TG: variants seen among roughly 807,000 people sequenced by gnomAD.
TG encodes the protein thyroglobulin.
In TG, 270 loss-of-function variants were observed where a neutral mutation model predicts 324.7. That is an observed-to-expected ratio of 0.83 (90% confidence interval 0.75 to 0.92). The LOEUF is 0.92. TG is among the 40% of genes least tolerant of loss of function. TG has a pLI of 0.00. For missense variants in TG, 3,591 were observed against 3,456.4 expected (o/e 1.04, Z -0.98); for synonymous variants, 1,401 against 1,327.0 (o/e 1.06, Z -1.21).
At chr8:132,950,810 T>TA (rs1217376411) in intron 27 of TG, among the ~76,000 whole-genome samples, 4 of 152,184 alleles carry the variant, frequency 2.6e-5, no homozygotes, top group African/African-American at 7.2e-5. Flanking sequence ...GATATAACAA[T>TA]AAAAAAATAA....
Position 132,972,583 on chromosome 8 carries a change from T to G in TG, c.6056-15T>G, listed in dbSNP as rs1272327119. 1.2e-6 allele frequency: 2 copies of G among 1,607,910 alleles called. No individual in the cohort carries two copies. The highest frequency in any genetic ancestry group is 1.7e-6 in the Non-Finnish European group (2 of 1,178,262). On this transcript the variant is annotated splice_polypyrimidine_tract_variant and intron_variant, in intron 33 of 47. Transcript: ENST00000220616. ...TCCTGATTGTGGTTTTTTGTTTTTT[T>G]TTTTTCCACCCCAGGAGGAGAGGTG...
intron 1 of TG, among the ~76,000 whole-genome samples, chr8:132,867,364 G>T (rs1478227512): frequency 6.6e-6 from 1 of 151,984 alleles, no homozygotes; most frequent in African/African-American, 2.4e-5. Flanking sequence ...ATTGACCTTG[G>T]GTTTTTATCC....
At position 132,887,140 on chromosome 8, in the gene TG, G is replaced by T; in HGVS notation, c.1768G>T (p.Asp590Tyr). 1.2e-6 allele frequency: 2 copies of T among 1,614,232 alleles called. No homozygotes were observed. The highest frequency in any genetic ancestry group is 1.7e-6 in the Non-Finnish European group (2 of 1,180,042). Residue 590 changes from aspartate (D) to tyrosine (Y), a missense_variant, in exon 9 of 48, where the codon GAT becomes TAT. Transcript: ENST00000220616. Reference protein sequence around the residue: ...FLQHAISVPEDVARDLGDVME... With the variant: ...FLQHAISVPEYVARDLGDVME... ...GCAACATGCTATCTCTGTGCCAGAA[G>T]ATGTGGCAAGAGATTTAGGTGATGT...
chr8:132,868,209 G>A lies in TG; in HGVS notation c.162G>A (p.Glu54=). ...KQADYVPQCA[E]DGSFQTVQCQ... ...CAGACTACGTGCCCCAGTGTGCAGA[G>A]GATGGCAGCTTCCAGTAAGGCTTAT... is the stretch of plus-strand genomic sequence containing the variant. The change falls in exon 2 of 48, where the codon GAG becomes GAA. Residue 54 remains glutamate (E), a synonymous_variant. Coordinates refer to ENST00000220616, the MANE Select transcript of TG (RefSeq NM_003235.5). 6.2e-7 allele frequency: 1 copy of A among 1,614,118 alleles called. No homozygotes were observed. Among genetic ancestry groups the A allele is most frequent in the Non-Finnish European group, 8.5e-7 (1 of 1,180,022 alleles).
chr8:132,971,837 A>T lies in TG; in HGVS notation c.6019A>T (p.Thr2007Ser). 1 of 1,613,886 alleles carries T rather than the reference A, an allele frequency of 6.2e-7. No individual in the cohort carries two copies. Among genetic ancestry groups the T allele is most frequent in the Non-Finnish European group, 8.5e-7 (1 of 1,179,784 alleles). ...ACGGTGCGATGCGGACCCATGCTGC[A>T]CTGGCTTTGGATTTCTAAATGTTTC... ...ERRCDADPCC[T>S]GFGFLNVSQL... The change falls in exon 33 of 48, where the codon ACT (threonine) becomes TCT (serine). Residue 2007 changes from threonine (T) to serine (S), a missense_variant. Coordinates refer to ENST00000220616, the MANE Select transcript of TG (RefSeq NM_003235.5).
At chr8:132,999,993 C>T (rs2130822675) in intron 35 of TG, among the ~76,000 whole-genome samples, 1 of 152,292 alleles carries the variant, frequency 6.6e-6, no homozygotes, top group South Asian at 2.1e-4. Context: ...GCAACTGTAA[C>T]ATCACTACTA....
At chr8:133,018,307 C>T (rs1835243494) in intron 38 of TG, among the ~76,000 whole-genome samples, 1 of 152,108 alleles carries the variant, frequency 6.6e-6, no homozygotes, top group Admixed American at 6.5e-5. Context: ...CTTCCAAGGT[C>T]CCCTGGACAT....
chr8:133,045,210 G>T, intron 41 of TG: 2 of 1,338,410 alleles, frequency 1.5e-6, no homozygotes, highest in South Asian at 1.3e-5. Context: ...AGGGAGACCT[G>T]CCCACCCTTG....
At chr8:133,098,714 C>G (rs1848809990) in intron 43 of TG, among the ~76,000 whole-genome samples, 1 of 152,214 alleles carries the variant, frequency 6.6e-6, no homozygotes, top group Admixed American at 6.5e-5. Context: ...GGTTAGTTCC[C>G]AGACCTCTCC....
chr8:132,877,047 G>A (rs1391673337), intron 5 of TG, among the ~76,000 whole-genome samples: 1 of 152,200 alleles, frequency 6.6e-6, no homozygotes, highest in Non-Finnish European at 1.5e-5. Context: ...AATCCTCACT[G>A]GGGAAGCACC....
At chr8:132,906,991 C>T (rs1423070056) in intron 17 of TG, 91 bp downstream of exon 17, 6 of 1,357,306 alleles carry the variant, frequency 4.4e-6, no homozygotes, top group Non-Finnish European at 6.1e-6. Context: ...GCTCCATTTC[C>T]CCACCCAAAT....
chr8:132,896,665 C>G (rs994547599), intron 11 of TG, among the ~76,000 whole-genome samples: 1 of 152,290 alleles, frequency 6.6e-6, no homozygotes, highest in Non-Finnish European at 1.5e-5. Context: ...GTGTCCCACC[C>G]GCTGCCCACC....
rs1365387513 is a variant in TG, at chr8:133,051,390, T to C, written c.7239+21367T>C. 4.6e-5 allele frequency among the ~76,000 whole-genome samples: 7 copies of C among 152,340 alleles called. No individual in the cohort carries two copies. The South Asian group carries it at 1.5e-3, about 32-fold the overall frequency. On this transcript the variant is annotated intron_variant, in intron 41 of 47. Transcript: ENST00000220616. The stretch of plus-strand genomic sequence containing the variant: ...ATGCCTCGGGTGTCCACTCTGGGAC[T>C]CAGAGTTGTTATATCTATGACACTT...
chr8:133,100,140 T>C (rs748368007), intron 43 of TG, among the ~76,000 whole-genome samples: 1 of 152,226 alleles, frequency 6.6e-6, no homozygotes, highest in Non-Finnish European at 1.5e-5. Flanking sequence ...TTAGAGTTTC[T>C]CAAATAGGCT....
In TG at chr8:133,025,609, G is replaced by A. The variant is rs540617190; in HGVS notation, c.7036+3459G>A. On this transcript the variant is annotated intron_variant, in intron 40 of 47. Coordinates refer to ENST00000220616, the MANE Select transcript of TG (RefSeq NM_003235.5). Reference sequence around the variant, plus strand: ...AAGTCCACAGTTTACCTTGGGGTTCGTCCTGTGTGTTGGATGCTCTCTAGG... The same window carrying A: ...AAGTCCACAGTTTACCTTGGGGTTCATCCTGTGTGTTGGATGCTCTCTAGG... Among the ~76,000 whole-genome samples the A allele has an allele frequency of 3.9e-5, 6 of 152,174 alleles. 1 individual carries two copies. The highest frequency in any genetic ancestry group is 9.6e-5 in the African/African-American group (4 of 41,518).
chr8:132,986,036 A>G (rs1318157146), intron 35 of TG, among the ~76,000 whole-genome samples: 1 of 151,892 alleles, frequency 6.6e-6, no homozygotes, highest in East Asian at 1.9e-4. Flanking sequence ...TTTAATGAAA[A>G]CTCATTTTGT....
intron 43 of TG, among the ~76,000 whole-genome samples, chr8:133,098,041 C>A (rs1210024308): frequency 3.9e-5 from 6 of 152,092 alleles, no homozygotes; most frequent in Admixed American, 3.9e-4. Flanking sequence ...GGCAAAATAC[C>A]TTTTGTACCT....
In TG at chr8:132,908,371, C is replaced by T. The variant is rs752784480; in HGVS notation, c.4002+31C>T. The T allele has an allele frequency of 3.3e-6, 5 of 1,514,414 alleles. No individual in the cohort carries two copies. In the South Asian group the frequency reaches 4.6e-5, roughly 14 times the overall value. 93.8% of individuals were successfully genotyped at this position (1,514,414 alleles called of 1,614,324 possible). A position where few individuals can be genotyped will look rare whatever the true frequency, so the allele number is the denominator to read the frequency against. ...TGCCTGGCCTTCCCCACAGTGAGGG[C>T]TTGGACTCAACTCAGGGTTACGGTG... is the stretch of plus-strand genomic sequence containing the variant. On this transcript the variant is annotated intron_variant, in intron 18 of 47. Coordinates refer to ENST00000220616, the MANE Select transcript of TG (RefSeq NM_003235.5).
chr8:133,049,341 C>T, intron 41 of TG: 1 of 339,702 alleles, frequency 2.9e-6, no homozygotes, highest in South Asian at 2.3e-5. Flanking sequence ...TAGAATAGAG[C>T]TAATATTTAT....
Sources: gnomAD v4.1 joint callset for allele counts (sites outside exome capture counted in the v4.1 genomes callset) on GRCh38, gnomAD v4.1.1 for gene constraint, MANE v1.5 for transcripts, NCBI Gene and HGNC (gene_info 2026-07-23, HGNC 2026-07-21) for gene names.